The following FCRL4 variants were observed in gnomAD, a reference collection of about 807,000 sequenced individuals.
FCRL4 encodes the protein Fc receptor-like protein 4.
Under a neutral mutation model 64.1 loss-of-function variants are expected in FCRL4, and 43 were observed. The observed-to-expected ratio is 0.67, with a 90% CI of 0.53 to 0.87. The LOEUF is 0.87. Among genes scored for constraint, FCRL4 ranks in the 40% least tolerant of loss-of-function variants. FCRL4 has a pLI of 0.00. For synonymous variants in FCRL4, 253 were observed against 239.8 expected (o/e 1.05, Z -0.51); for missense variants, 656 against 613.5 (o/e 1.07, Z -0.73).
intron 7 of FCRL4, among the ~76,000 whole-genome samples, chr1:157,581,254 A>G (rs973819759): frequency 6.6e-6 from 1 of 152,256 alleles, no homozygotes; most frequent in Non-Finnish European, 1.5e-5. Context: ...AACTGTTCAG[A>G]TAAAGTTTTT....
intron 6 of FCRL4, among the ~76,000 whole-genome samples, chr1:157,584,031 C>T (rs926702782): frequency 6.6e-5 from 10 of 152,126 alleles, no homozygotes; most frequent in African/African-American, 2.4e-4. Context: ...CTGCCTGGAT[C>T]AGGAGAAGCT....
chr1:157,578,626 T>C, intron 9 of FCRL4, 84 bp from the exon 10 acceptor site: 4 of 1,390,824 alleles, frequency 2.9e-6, no homozygotes, highest in East Asian at 2.3e-5. Flanking sequence ...ATCTCCACTC[T>C]TCTTGGACAC....
intron 7 of FCRL4, among the ~76,000 whole-genome samples, chr1:157,581,156 C>G (rs1391479501): frequency 6.6e-6 from 1 of 152,224 alleles, no homozygotes; most frequent in Non-Finnish European, 1.5e-5. Flanking sequence ...GCCTTTAGTT[C>G]ATTCTGAATC....
rs1432376998 is a variant in FCRL4, at chr1:157,573,883, C to T, written c.*1641G>A. The T allele has an allele frequency of 5.2e-6, 1 of 194,022 alleles. No individual in the cohort carries two copies. The highest frequency in any genetic ancestry group is 1.1e-5 in the Non-Finnish European group (1 of 93,140). The allele number at this position is 194,022 out of a possible 1,614,324, so 12.0% of individuals were successfully genotyped here. A position where few individuals can be genotyped will look rare whatever the true frequency, so the allele number is the denominator to read the frequency against. On this transcript the variant is annotated 3_prime_UTR_variant, in exon 12 of 12. Coordinates refer to ENST00000271532, the MANE Select transcript of FCRL4 (RefSeq NM_031282.3). ...ACAACAATTTCTTAATATTAGTATA[C>T]AAATTTTTCTTAGTATTTCGTAGGT...
chr1:157,576,654 A>C lies in FCRL4; in HGVS notation c.1430-924T>G, dbSNP rs1291703471. ...AGTATGAAGAAAAGCAAAATTATCA[A>C]GACAGCTTTATAAGATAAGATGTAC... On this transcript the variant is annotated intron_variant, in intron 10 of 11. Coordinates refer to ENST00000271532, the MANE Select transcript of FCRL4 (RefSeq NM_031282.3). 2.0e-5 allele frequency among the ~76,000 whole-genome samples: 3 copies of C among 152,236 alleles called. No individual in the cohort carries two copies. In the South Asian group the frequency reaches 6.2e-4, roughly 32 times the overall value.
chr1:157,580,184 A>AATC, intron 8 of FCRL4, 137 bp downstream of exon 8: 1 of 918,264 alleles, frequency 1.1e-6, no homozygotes, highest in South Asian at 1.5e-5. Context: ...ATTTTTGACA[A>AATC]ATTCATGGAG....
intron 6 of FCRL4, among the ~76,000 whole-genome samples, chr1:157,584,493 G>A (rs1263455039): frequency 6.6e-6 from 1 of 151,554 alleles, no homozygotes; most frequent in East Asian, 1.9e-4. Context: ...CCAAGATCAC[G>A]CCACTGAACT....
At chr1:157,592,181 C>T (rs1342203352) in intron 2 of FCRL4, among the ~76,000 whole-genome samples, 1 of 152,142 alleles carries the variant, frequency 6.6e-6, no homozygotes, top group East Asian at 1.9e-4. Context: ...AGGACATAGG[C>T]ATGGGCAAAG....
chr1:157,594,051 T>C (rs1652901111), intron 2 of FCRL4, among the ~76,000 whole-genome samples: 1 of 152,220 alleles, frequency 6.6e-6, no homozygotes, highest in Admixed American at 6.5e-5. Flanking sequence ...GAACCACTGC[T>C]CTGATGAGTC....
At chr1:157,580,131 T>C (rs971486557) in intron 8 of FCRL4, among the ~76,000 whole-genome samples, 190 bp downstream of exon 8, 1 of 152,254 alleles carries the variant, frequency 6.6e-6, no homozygotes. Context: ...ATTTTGCATG[T>C]ATTGCAAACT....
rs1312843957 is a variant in FCRL4 at position 157,575,383 on chromosome 1, G to A, written c.*141C>T. ...AGAGTAGACGAATGAGTATTCCTGG[G>A]AGTGAATGCATATGCATGAGAAGAA... On this transcript the variant is annotated 3_prime_UTR_variant, in exon 12 of 12. Coordinates refer to ENST00000271532, the MANE Select transcript of FCRL4 (RefSeq NM_031282.3). 5 of 661,006 alleles carry A rather than the reference G, an allele frequency of 7.6e-6. No homozygotes were observed. Among genetic ancestry groups the A allele is most frequent in the Non-Finnish European group, 1.4e-5 (5 of 367,930 alleles). The allele number at this position is 661,006 out of a possible 1,614,324, so 40.9% of individuals were successfully genotyped here. A position where few individuals can be genotyped will look rare whatever the true frequency, so the allele number is the denominator to read the frequency against.
In FCRL4 at chr1:157,581,641, G is replaced by T. The variant is rs1211344627; in HGVS notation, c.1139C>A (p.Thr380Asn). 19 of 1,612,708 alleles carry T rather than the reference G, an allele frequency of 1.2e-5. No homozygotes were observed. Among genetic ancestry groups the T allele is most frequent in the Non-Finnish European group, 1.6e-5 (19 of 1,179,002 alleles). Residue 380 changes from threonine to asparagine, a missense_variant, in exon 7 of 12, where the codon ACC becomes AAC. Coordinates refer to ENST00000271532, the MANE Select transcript of FCRL4 (RefSeq NM_031282.3). ...GACAAGGCCATCTCTGTTGCCTGGG[G>T]TCTCTAAGGGGAAAGGACCTGTGTG... is the stretch of plus-strand genomic sequence containing the variant. The part of the protein sequence containing the change: ...SMVLNVTVRE[T>N]PGNRDGLVAA...
At chr1:157,585,412 T>TTCTC (rs1407281199) in intron 6 of FCRL4, among the ~76,000 whole-genome samples, 1 of 145,586 alleles carries the variant, frequency 6.9e-6, no homozygotes, top group Non-Finnish European at 1.5e-5. Context: ...CTTTCTTTCT[T>TTCTC]TCTTTCTTTC....
intron 6 of FCRL4, among the ~76,000 whole-genome samples, chr1:157,583,832 C>T (rs562585711): frequency 4.8e-4 from 73 of 152,232 alleles, no homozygotes; most frequent in African/African-American, 1.3e-3. Context: ...TTTCTAAGCA[C>T]GGGGATTTTG....
Position 157,574,958 on chromosome 1 carries a change from A to G in FCRL4, c.*566T>C, listed in dbSNP as rs1390476528. 4.6e-6 allele frequency: 1 copy of G among 217,688 alleles called. No homozygotes were observed. The highest frequency in any genetic ancestry group is 9.2e-6 in the Non-Finnish European group (1 of 108,512). The allele number at this position is 217,688 out of a possible 1,614,324, so 13.5% of individuals were successfully genotyped here. ...TCCTCTTTTAAATTCCTCTCTCTGTAAACCATTCCAGATGGGTTCTTTAAT... is the reference window on the plus strand; with the variant it reads ...TCCTCTTTTAAATTCCTCTCTCTGTGAACCATTCCAGATGGGTTCTTTAAT... On this transcript the variant is annotated 3_prime_UTR_variant, in exon 12 of 12. Coordinates refer to ENST00000271532, the MANE Select transcript of FCRL4 (RefSeq NM_031282.3).
intron 6 of FCRL4, among the ~76,000 whole-genome samples, chr1:157,582,132 G>A (rs1652574314): frequency 6.6e-6 from 1 of 152,202 alleles, no homozygotes; most frequent in Non-Finnish European, 1.5e-5. Flanking sequence ...AGAAGCCTGT[G>A]CCTGTGTGCT....
chr1:157,591,473 A>G (rs928263534), intron 2 of FCRL4, among the ~76,000 whole-genome samples: 4 of 152,144 alleles, frequency 2.6e-5, no homozygotes, highest in Non-Finnish European at 5.9e-5. Flanking sequence ...GAATATAGAA[A>G]TTGGGAGGTC....
intron 8 of FCRL4, among the ~76,000 whole-genome samples, chr1:157,579,561 A>G (rs1436699396): frequency 6.6e-6 from 1 of 152,146 alleles, no homozygotes; most frequent in Non-Finnish European, 1.5e-5. Context: ...TACTAAAAAT[A>G]CAAAAATTAG....
intron 2 of FCRL4, among the ~76,000 whole-genome samples, chr1:157,592,525 A>G (rs1652861307): frequency 6.6e-6 from 1 of 152,228 alleles, no homozygotes; most frequent in Admixed American, 6.5e-5. Flanking sequence ...GCAAATCAAA[A>G]CCACAATGAG....
Sources: gnomAD v4.1 joint callset for allele counts (sites outside exome capture counted in the v4.1 genomes callset) on GRCh38, gnomAD v4.1.1 for gene constraint, MANE v1.5 for transcripts, NCBI Gene and HGNC (gene_info 2026-07-23, HGNC 2026-07-21) for gene names.